Variants in IMMT observed in about 807,000 individuals in gnomAD.
The protein encoded by IMMT is MICOS complex subunit MIC60.
Under a neutral mutation model 92.7 loss-of-function variants are expected in IMMT, and 40 were observed. That is an observed-to-expected ratio of 0.43 (90% CI 0.34 to 0.56). The LOEUF is 0.56. Ranked by LOEUF, IMMT falls within the 20% of genes least tolerant of loss-of-function variation. The pLI, the probability that IMMT is intolerant of heterozygous loss-of-function variation, is 0.03. For missense variants in IMMT, 831 were observed against 912.1 expected, an observed-to-expected ratio of 0.91 and a Z score of 1.14; for synonymous variants, 322 against 336.1, an observed-to-expected ratio of 0.96 and a Z score of 0.46.
chr2:86,185,301 A>C (rs1672700775), intron 1 of IMMT, among the ~76,000 whole-genome samples: 1 of 152,266 alleles, frequency 6.6e-6, no homozygotes, highest in African/African-American at 2.4e-5. Context: ...GCTTTCAAGC[A>C]AAATTTAAAG....
At chr2:86,152,672 A>G (rs2104713653) in intron 11 of IMMT, among the ~76,000 whole-genome samples, 2 of 152,176 alleles carry the variant, frequency 1.3e-5, no homozygotes, top group South Asian at 4.1e-4. Flanking sequence ...GAGGCACGAG[A>G]ATTGCCTGAA....
At chr2:86,149,651 G>A (rs1433677866) in intron 12 of IMMT, among the ~76,000 whole-genome samples, 2 of 152,128 alleles carry the variant, frequency 1.3e-5, no homozygotes, top group Admixed American at 6.5e-5. Context: ...GCCAAGGCAG[G>A]TGGATCACTT....
chr2:86,185,169 TA>T (rs879845494), intron 1 of IMMT, among the ~76,000 whole-genome samples: 63 of 141,602 alleles, frequency 4.4e-4, no homozygotes, highest in Non-Finnish European at 4.2e-4. Context: ...GACTCTGTCT[TA>T]AAAAAAAAAA....
intron 12 of IMMT, 45 bp downstream of exon 12, chr2:86,151,252 T>C (rs759559503): frequency 2.1e-6 from 3 of 1,446,952 alleles, no homozygotes; most frequent in Non-Finnish European, 2.9e-6. Flanking sequence ...AACAATCAAG[T>C]TAGAGTCACT....
At position 86,179,434 on chromosome 2, in the gene IMMT, G is replaced by A. The variant is rs1334774616; in HGVS notation, c.308C>T (p.Ser103Leu). ...TGAAATATTGTTTAAAACTCTTACCGATTTCTTTGGCAATGGAACATTATA... is the reference window on the plus strand; with the variant it reads ...TGAAATATTGTTTAAAACTCTTACCAATTTCTTTGGCAATGGAACATTATA... ...AAYNVPLPKK[S>L]IQSGPLKISS... Residue 103 changes from serine (S) to leucine (L), a missense_variant and splice_region_variant, in exon 3 of 15, where the codon TCG (serine) becomes TTG (leucine). Coordinates refer to ENST00000410111, the MANE Select transcript of IMMT (RefSeq NM_006839.3). 6 of 1,577,434 alleles carry A rather than the reference G, an allele frequency of 3.8e-6. No homozygotes were observed. Among genetic ancestry groups the A allele is most frequent in the East Asian group, 2.3e-5 (1 of 44,170 alleles).
chr2:86,151,900 A>T (rs1675490887), intron 11 of IMMT, among the ~76,000 whole-genome samples: 1 of 152,230 alleles, frequency 6.6e-6, no homozygotes, highest in South Asian at 2.1e-4. Flanking sequence ...ATCCAATTGA[A>T]GATTCTTTTC....
Position 86,166,558 on chromosome 2 carries a change from C to T in IMMT, c.742G>A (p.Ala248Thr), listed in dbSNP as rs753083534. 23 of 1,613,086 alleles carry T rather than the reference C, an allele frequency of 1.4e-5. No individual in the cohort carries two copies. Among genetic ancestry groups the T allele is most frequent in the Non-Finnish European group, 1.8e-5 (21 of 1,179,790 alleles). The change falls in exon 7 of 15, where the codon GCT becomes ACT. Residue 248 changes from alanine to threonine, a missense_variant. Transcript: ENST00000410111. ...AATATGTTGGAGTGTGCATTGACAG[C>T]CTGGACCGCAGCATTCTGAGCTGCA... The part of the protein sequence containing the change: ...AIAAQNAAVQ[A>T]VNAHSNILKA...
At chr2:86,190,711 C>A (rs529900021) in intron 1 of IMMT, among the ~76,000 whole-genome samples, 1 of 152,320 alleles carries the variant, frequency 6.6e-6, no homozygotes, top group South Asian at 2.1e-4. Flanking sequence ...GATACTGTGT[C>A]GGGTGCAGTG....
intron 13 of IMMT, among the ~76,000 whole-genome samples, chr2:86,146,662 C>T (rs982391525): frequency 6.6e-6 from 1 of 152,012 alleles, no homozygotes; most frequent in Non-Finnish European, 1.5e-5. Flanking sequence ...CGTGCCCGGC[C>T]GATGTATATA....
Position 86,144,742 on chromosome 2 carries a change from G to A in IMMT, c.1803C>T (p.Ala601=). 6.2e-7 allele frequency: 1 copy of A among 1,613,812 alleles called. No individual in the cohort carries two copies. Among genetic ancestry groups the A allele is most frequent in the Non-Finnish European group, 8.5e-7 (1 of 1,179,872 alleles). The change falls in exon 15 of 15, where the codon GCC becomes GCT. Residue 601 remains alanine, a synonymous_variant. Coordinates refer to ENST00000410111, the MANE Select transcript of IMMT (RefSeq NM_006839.3). Reference sequence around the variant, plus strand: ...GGGTGAATTCATTATCAGAACAGTTGGCTTTGATGGCCTCAACTGCACTAC... The same window carrying A: ...GGGTGAATTCATTATCAGAACAGTTAGCTTTGATGGCCTCAACTGCACTAC... ...PLGSAVEAIK[A]NCSDNEFTQA...
In IMMT at chr2:86,181,326, C is replaced by T. The variant is rs1294944000; in HGVS notation, c.92G>A (p.Arg31His). 19 of 1,613,416 alleles carry T rather than the reference C, an allele frequency of 1.2e-5. No individual in the cohort carries two copies. The highest frequency in any genetic ancestry group is 1.6e-4 in the Middle Eastern group (1 of 6,084). ...AGAGCTGCCTGAAGTAGAGTATCTG[C>T]GGCATGGTCGCAATGGACGGAGGAC... ...KFVLRPLRPC[R>H]RYSTSGSSGL... Residue 31 changes from arginine to histidine, a missense_variant, in exon 2 of 15, where the codon CGC becomes CAC. Coordinates refer to ENST00000410111, the MANE Select transcript of IMMT (RefSeq NM_006839.3).
chr2:86,149,634 G>A (rs183543338), intron 12 of IMMT, among the ~76,000 whole-genome samples: 308 of 152,218 alleles, frequency 2.0e-3, no homozygotes, highest in Non-Finnish European at 3.8e-3. Context: ...TTCTGGCGCC[G>A]TGGGAGGCCA....
chr2:86,160,416 C>T (rs527983134), intron 8 of IMMT, among the ~76,000 whole-genome samples: 1 of 152,190 alleles, frequency 6.6e-6, no homozygotes, highest in African/African-American at 2.4e-5. Flanking sequence ...CCTCACTGGG[C>T]GAATACTTAA....
chr2:86,168,908 C>T (rs1298182752), intron 6 of IMMT, among the ~76,000 whole-genome samples: 2 of 152,092 alleles, frequency 1.3e-5, no homozygotes, highest in African/African-American at 2.4e-5. Flanking sequence ...CCATGACATG[C>T]GTGAGTGAAC....
intron 13 of IMMT, 37 bp downstream of exon 13, chr2:86,147,665 G>A: frequency 6.3e-7 from 1 of 1,591,720 alleles, no homozygotes. Flanking sequence ...ATCCTGTCAG[G>A]AAGAGGGGTG....
rs540613367 is a variant in IMMT, at chr2:86,164,052, A to ATTTTTTTTTTTTTTTTT, written c.793-1990_793-1974dup. On this transcript the variant is annotated intron_variant, in intron 7 of 14. Transcript: ENST00000410111. ...GTTTCAGTGAATTCCCACTTTAGTC[A>ATTTTTTTTTTTTTTTTT]TTTTTTTTTTTTTTTTTTTTTTGAG... Among the ~76,000 whole-genome samples, 4 of 63,030 alleles carry ATTTTTTTTTTTTTTTTT rather than the reference A, an allele frequency of 6.3e-5. 1 individual carries two copies. Among genetic ancestry groups the ATTTTTTTTTTTTTTTTT allele is most frequent in the African/African-American group, 1.7e-4 (3 of 17,984 alleles). 41.4% of individuals were successfully genotyped at this position (63,030 alleles called of 152,430 possible). A position where few individuals can be genotyped will look rare whatever the true frequency, so the allele number is the denominator to read the frequency against.
intron 14 of IMMT, among the ~76,000 whole-genome samples, chr2:86,145,111 TTTTACC>T (rs1195827177): frequency 6.6e-6 from 1 of 152,132 alleles, no homozygotes; most frequent in African/African-American, 2.4e-5. Context: ...ATCCACATAT[TTTTACC>T]TTTACTAGTT....
rs1675136544 is a variant in IMMT, at chr2:86,147,814, GCATCTCTGA to G, written c.1412_1420del (p.Val471_Asp473del). On this transcript the variant is annotated inframe_deletion, in exon 13 of 15. Transcript: ENST00000410111. ...CTGGGTTCTCATTTCATTTTCCATG[GCATCTCTGA>G]CTTCTTCTATCTGTGAAACCAAACA... The G allele has an allele frequency of 6.2e-7, 1 of 1,613,540 alleles. No individual in the cohort carries two copies. The highest frequency in any genetic ancestry group is 8.5e-7 in the Non-Finnish European group (1 of 1,179,754).
chr2:86,179,406 A>C (rs746412411), intron 3 of IMMT, 27 bp downstream of exon 3: 2 of 1,500,400 alleles, frequency 1.3e-6, no homozygotes, highest in South Asian at 2.6e-5. Context: ...TCATTGGATA[A>C]ACTGAAATAT....
Sources: gnomAD v4.1 joint callset for allele counts (sites outside exome capture counted in the v4.1 genomes callset) on GRCh38, gnomAD v4.1.1 for gene constraint, MANE v1.5 for transcripts, NCBI Gene and HGNC (gene_info 2026-07-23, HGNC 2026-07-21) for gene names.